RAD50: variants seen among roughly 807,000 people sequenced by gnomAD.
RAD50 encodes DNA repair protein RAD50.
RAD50 carries 132 observed loss-of-function variants against 168.8 expected under a neutral mutation model. That is an observed-to-expected ratio of 0.78 (90% confidence interval 0.68 to 0.90). The LOEUF is 0.90. Ranked by LOEUF, RAD50 falls within the 40% of genes least tolerant of loss-of-function variation. The probability of loss-of-function intolerance (pLI) is 0.00; values close to 1 mark genes in which losing one functional copy is unlikely to be tolerated. For synonymous variants in RAD50, 525 were observed against 497.4 expected, an observed-to-expected ratio of 1.06 and a Z score of -0.74; for missense variants, 1,347 against 1,534.4, an observed-to-expected ratio of 0.88 and a Z score of 2.04.
At chr5:132,635,924 A>G (rs1457912636) in intron 21 of RAD50, among the ~76,000 whole-genome samples, 1 of 152,236 alleles carries the variant, frequency 6.6e-6, no homozygotes, top group Non-Finnish European at 1.5e-5. Context: ...CTCATCAACA[A>G]GCAGAATATG....
rs1554096654 is a variant in RAD50, at chr5:132,557,427, G to A, written c.103G>A (p.Val35Ile). The change falls in exon 1 of 25, where the codon GTT (valine) becomes ATT (isoleucine). Residue 35 changes from valine (V) to isoleucine (I), a missense_variant. Val to Ile is a conservative substitution (Grantham distance 29). Around this residue, in one of 3 missense-constraint regions of RAD50, gnomAD observed 703 missense variants for 767.7 expected, o/e 0.92. Transcript: ENST00000378823. Reference sequence around the variant, plus strand: ...TTTCTTCAGCCCCCTTACAATTTTGGTTGGACCCAATGGGGCGGGAAAGAC... The same window carrying A: ...TTTCTTCAGCCCCCTTACAATTTTGATTGGACCCAATGGGGCGGGAAAGAC... ...ITFFSPLTIL[V>I]GPNGAGKTTI... The A allele has an allele frequency of 1.2e-6, 2 of 1,614,206 alleles. No individual in the cohort carries two copies. The highest frequency in any genetic ancestry group is 1.1e-5 in the South Asian group (1 of 91,090).
rs765290694 is a variant in RAD50, at chr5:132,640,694, G to A, written c.3641G>A (p.Arg1214His). The A allele has an allele frequency of 1.4e-5, 22 of 1,614,010 alleles. No homozygotes were observed. The highest frequency in any genetic ancestry group is 1.7e-5 in the Non-Finnish European group (20 of 1,180,042). The change falls in exon 24 of 25, where the codon CGC (arginine) becomes CAC (histidine). Residue 1214 changes from arginine to histidine, a missense_variant. Physicochemically the swap from Arg to His is conservative, Grantham distance 29. Coordinates refer to ENST00000378823, the MANE Select transcript of RAD50 (RefSeq NM_005732.4). Reference protein sequence around the residue: ...GQKVLASLIIRLALAETFCLN... With the variant: ...GQKVLASLIIHLALAETFCLN... ...CAGGTATTAGCCTCACTCATCATTC[G>A]CCTGGCCCTGGCTGAAACGTTCTGC...
chr5:132,608,222 A>G (rs1751018272), intron 16 of RAD50, among the ~76,000 whole-genome samples: 2 of 152,230 alleles, frequency 1.3e-5, no homozygotes, highest in African/African-American at 4.8e-5. Flanking sequence ...AGTGACGGGC[A>G]CCTATAAAAT....
chr5:132,595,712 T>C lies in RAD50; in HGVS notation c.2109T>C (p.Ser703=). Residue 703 remains serine, a synonymous_variant, in exon 13 of 25, where the codon TCT becomes TCC. Transcript: ENST00000378823. ...ELQEVISDLQ[S]KLRLAPDKLK... Reference sequence around the variant, plus strand: ...AAGAAGTCATCAGTGATTTGCAGTCTAAACTGCGACTTGCTCCAGATAAAC... The same window carrying C: ...AAGAAGTCATCAGTGATTTGCAGTCCAAACTGCGACTTGCTCCAGATAAAC... 6.2e-7 allele frequency: 1 copy of C among 1,613,996 alleles called. No individual in the cohort carries two copies. The highest frequency in any genetic ancestry group is 1.1e-5 in the South Asian group (1 of 91,086).
At chr5:132,573,962 C>T (rs1208587459) in intron 2 of RAD50, among the ~76,000 whole-genome samples, 5 of 152,214 alleles carry the variant, frequency 3.3e-5, no homozygotes, top group Admixed American at 3.3e-4. Flanking sequence ...AGGGTATAGC[C>T]TCCTTCCTGG....
chr5:132,614,508 A>G, intron 19 of RAD50, among the ~76,000 whole-genome samples: 1 of 152,056 alleles, frequency 6.6e-6, no homozygotes, highest in Non-Finnish European at 1.5e-5. Flanking sequence ...ATCCCCCGAT[A>G]AAACAGATAC....
At chr5:132,638,715 T>TAAG (rs1046836830) in intron 23 of RAD50, among the ~76,000 whole-genome samples, 2 of 152,208 alleles carry the variant, frequency 1.3e-5, no homozygotes, top group African/African-American at 4.8e-5. Context: ...CTCATAGAAC[T>TAAG]AAGTCCCTAC....
chr5:132,619,903 G>GAT lies in RAD50; in HGVS notation c.3389+1614_3389+1615dup, dbSNP rs1171708205. On this transcript the variant is annotated intron_variant, in intron 21 of 24. Transcript: ENST00000378823. ...ATATATATAGAGAGAGAGAGAGAGA[G>GAT]ATATATCTTTTTTTTTTTTGAGACG... is the stretch of plus-strand genomic sequence containing the variant. Among the ~76,000 whole-genome samples the GAT allele has an allele frequency of 2.0e-3, 264 of 135,034 alleles. 1 individual carries two copies. Among genetic ancestry groups the GAT allele is most frequent in the Middle Eastern group, 7.5e-3 (2 of 266 alleles). 88.6% of individuals were successfully genotyped at this position (135,034 alleles called of 152,430 possible).
At chr5:132,563,912 T>C (rs1750163033) in intron 2 of RAD50, among the ~76,000 whole-genome samples, 1 of 152,132 alleles carries the variant, frequency 6.6e-6, no homozygotes, top group South Asian at 2.1e-4. Flanking sequence ...CCCCCTTCAC[T>C]CTCTTCCTCC....
In RAD50 at chr5:132,556,978, C is replaced by G. The variant is rs36229533; in HGVS notation, c.-347C>G. 2.1e-6 allele frequency: 2 copies of G among 952,648 alleles called. No homozygotes were observed. The highest frequency in any genetic ancestry group is 1.7e-5 in the African/African-American group (1 of 60,502). The allele number at this position is 952,648 out of a possible 1,614,324, so 59.0% of individuals were successfully genotyped here. On this transcript the variant is annotated 5_prime_UTR_variant, in exon 1 of 25. Transcript: ENST00000378823. The stretch of plus-strand genomic sequence containing the variant: ...GGACGCGTGCGGGCCTAGAGGCCCA[C>G]GTGATCCGCAGGGCGGCCGAGGCAG...
intron 2 of RAD50, among the ~76,000 whole-genome samples, chr5:132,568,403 T>C (rs1257365815): frequency 6.6e-6 from 1 of 151,840 alleles, no homozygotes; most frequent in Non-Finnish European, 1.5e-5. Context: ...AAAGCTATGA[T>C]AGATAAGCTC....
chr5:132,621,507 C>G (rs1419322620), intron 21 of RAD50, among the ~76,000 whole-genome samples: 1 of 152,106 alleles, frequency 6.6e-6, no homozygotes, highest in Non-Finnish European at 1.5e-5. Flanking sequence ...AAATCCCACT[C>G]CTCCCTTCTT....
intron 13 of RAD50, among the ~76,000 whole-genome samples, chr5:132,602,425 T>A (rs1750904560): frequency 6.6e-6 from 1 of 152,184 alleles, no homozygotes; most frequent in Non-Finnish European, 1.5e-5. Context: ...GCAAAAATAG[T>A]TGTCAGTACC....
intron 21 of RAD50, among the ~76,000 whole-genome samples, chr5:132,623,029 T>C (rs1023784062): frequency 2.0e-5 from 3 of 152,224 alleles, no homozygotes; most frequent in African/African-American, 7.2e-5. Context: ...CTCATTAATT[T>C]TCCACTCTTT....
chr5:132,577,968 C>G (rs139847583), intron 3 of RAD50, among the ~76,000 whole-genome samples: 106 of 152,136 alleles, frequency 7.0e-4, no homozygotes, highest in African/African-American at 2.4e-3. Context: ...GCGTGCACCA[C>G]CATGCCTGGC....
chr5:132,613,016 T>C (rs1479722248), intron 19 of RAD50, among the ~76,000 whole-genome samples: 1 of 151,890 alleles, frequency 6.6e-6, no homozygotes, highest in Non-Finnish European at 1.5e-5. Context: ...GTAGAAGTGG[T>C]GTTATTCCCA....
Position 132,592,328 on chromosome 5 carries a change from A to G in RAD50, c.1793+294A>G, listed in dbSNP as rs151019474. 1.2e-3 allele frequency among the ~76,000 whole-genome samples: 177 copies of G among 152,326 alleles called. 1 individual carries two copies. Among genetic ancestry groups the G allele is most frequent in the East Asian group, 8.7e-3 (45 of 5,192 alleles). On this transcript the variant is annotated intron_variant, in intron 11 of 24. Transcript: ENST00000378823. ...AGGGTCCTGGGAATTTAACCATGTC[A>G]GTGTAGTCTTTTTTACATTGCTAGC...
chr5:132,611,560 G>T (rs906006659), intron 19 of RAD50, among the ~76,000 whole-genome samples: 4 of 150,870 alleles, frequency 2.7e-5, no homozygotes, highest in Non-Finnish European at 5.9e-5. Flanking sequence ...CAAAAAATTA[G>T]CCAGGCCTGG....
chr5:132,641,405 G>A (rs1305838371), intron 24 of RAD50, among the ~76,000 whole-genome samples: 3 of 152,296 alleles, frequency 2.0e-5, no homozygotes, highest in East Asian at 1.9e-4. Context: ...TGAGGTCAAA[G>A]GAGGTGTTTC....
Sources: allele counts gnomAD v4.1 joint callset (sites outside exome capture counted in the v4.1 genomes callset), GRCh38; gene constraint gnomAD v4.1.1; regional missense constraint gnomAD v4.1.1; transcripts MANE v1.5; gene names NCBI Gene and HGNC (gene_info 2026-07-23, HGNC 2026-07-21).